Variants in COL5A1 observed in about 807,000 individuals in gnomAD.
COL5A1 encodes the protein collagen alpha-1(V) chain.
A neutral mutation model predicts 263.7 loss-of-function variants in COL5A1; 16 were observed. That is an observed-to-expected ratio of 0.06 (90% CI 0.04 to 0.09). COL5A1 has a LOEUF of 0.09. COL5A1 is among the 10% of genes least tolerant of loss of function. COL5A1 has a pLI of 1.00. For missense variants in COL5A1, 2,036 were observed against 2,540.5 expected (o/e 0.80, Z 4.27); for synonymous variants, 1,012 against 1,004.5 (o/e 1.01, Z -0.14).
At chr9:134,691,600 G>C (rs1040268375) in intron 2 of COL5A1, 1 of 166,712 alleles carries the variant, frequency 6.0e-6, no homozygotes, top group Non-Finnish European at 1.3e-5. Flanking sequence ...CATGCCCGGA[G>C]CGGGAAGCAG....
At chr9:134,732,492 T>C in intron 9 of COL5A1, 2 of 429,822 alleles carry the variant, frequency 4.7e-6, no homozygotes, top group East Asian at 4.6e-5. Context: ...AGGATGTAAA[T>C]GGCCCATTCC....
intron 4 of COL5A1, among the ~76,000 whole-genome samples, chr9:134,724,468 G>T (rs1834575524): frequency 6.6e-6 from 1 of 152,216 alleles, no homozygotes; most frequent in South Asian, 2.1e-4. Context: ...TGTGCCTGCG[G>T]GCTGGGATTC....
intron 4 of COL5A1, among the ~76,000 whole-genome samples, chr9:134,713,366 A>C (rs3128579): frequency 0.47 from 71,635 of 152,072 alleles, 17,305 homozygotes; most frequent in Admixed American, 0.62. Context: ...CCCAGTCTGC[A>C]GCCACAGCAG....
intron 27 of COL5A1, among the ~76,000 whole-genome samples, chr9:134,777,765 T>A (rs1213909697): frequency 6.6e-6 from 1 of 152,132 alleles, no homozygotes; most frequent in Admixed American, 6.5e-5. Flanking sequence ...CTGGTGCCAA[T>A]GCCCCCGGGT....
chr9:134,761,871 A>G, intron 18 of COL5A1, 54 bp from the exon 19 acceptor site: 1 of 1,563,946 alleles, frequency 6.4e-7, no homozygotes, highest in Non-Finnish European at 8.8e-7. Flanking sequence ...GACCTTGGAC[A>G]AGCCCTGCAT....
chr9:134,671,271 G>T (rs1832532291), intron 1 of COL5A1, among the ~76,000 whole-genome samples: 2 of 152,326 alleles, frequency 1.3e-5, no homozygotes, highest in South Asian at 4.1e-4. Context: ...AACCCACTGG[G>T]TGTGCAGACT....
chr9:134,714,031 C>T (rs1160714427), intron 4 of COL5A1, among the ~76,000 whole-genome samples: 1 of 152,238 alleles, frequency 6.6e-6, no homozygotes, highest in Non-Finnish European at 1.5e-5. Flanking sequence ...AAGTCTGTTG[C>T]TTCTGTGCTG....
rs863223468 is a variant in COL5A1 at position 134,738,779 on chromosome 9, A to G, written c.1465A>G (p.Thr489Ala). 2 of 1,613,602 alleles carry G rather than the reference A, an allele frequency of 1.2e-6. No individual in the cohort carries two copies. The highest frequency in any genetic ancestry group is 1.7e-5 in the Admixed American group (1 of 60,002). ...CGGACCTCCAGGAACCATGGGTCCC[A>G]CTGGCCAAGTCGGGGACCCTGGAGA... ...LPGPPGTMGP[T>A]GQVGDPGERG... is the part of the protein sequence containing the mutation. The change falls in exon 11 of 66, where the codon ACT becomes GCT. Residue 489 changes from threonine to alanine, a missense_variant. Around this residue, in one of 3 missense-constraint regions of COL5A1, gnomAD observed 1,078 missense variants for 1,521.4 expected, o/e 0.71. Coordinates refer to ENST00000371817, the MANE Select transcript of COL5A1 (RefSeq NM_000093.5).
At chr9:134,808,980 G>A (rs1156308316) in intron 42 of COL5A1, 4 of 620,682 alleles carry the variant, frequency 6.4e-6, no homozygotes, top group East Asian at 5.5e-5. Flanking sequence ...TAATTGAAGC[G>A]ATGCACCAGA....
intron 28 of COL5A1, among the ~76,000 whole-genome samples, chr9:134,781,029 T>G (rs538931681): frequency 1.3e-5 from 2 of 152,074 alleles, no homozygotes; most frequent in African/African-American, 4.8e-5. Context: ...GGGGCTGGAG[T>G]GCGGGTGCTG....
chr9:134,812,751 G>C lies in COL5A1; in HGVS notation c.3852+39G>C, dbSNP rs1450296617. 4 of 1,367,728 alleles carry C rather than the reference G, an allele frequency of 2.9e-6. No homozygotes were observed. The African/African-American group carries it at 4.5e-5, about 15-fold the overall frequency. 84.7% of individuals were successfully genotyped at this position (1,367,728 alleles called of 1,614,324 possible). On this transcript the variant is annotated intron_variant, in intron 48 of 65. Transcript: ENST00000371817. The stretch of plus-strand genomic sequence containing the variant: ...CTGCTCTGGTGGCAGATTTGCGGTT[G>C]TTTGAGGAGTGTGTGTGTGTGTCTG...
intron 2 of COL5A1, among the ~76,000 whole-genome samples, chr9:134,693,735 C>G (rs1401801964): frequency 6.6e-6 from 1 of 152,220 alleles, no homozygotes; most frequent in African/African-American, 2.4e-5. Flanking sequence ...CTCTGTTGCT[C>G]GGACTCTGTC....
intron 37 of COL5A1, 70 bp downstream of exon 37, chr9:134,798,531 T>G: frequency 6.8e-7 from 1 of 1,477,468 alleles, no homozygotes; most frequent in Non-Finnish European, 9.5e-7. Flanking sequence ...GGCACAGCCC[T>G]CGCTGCCCAG....
chr9:134,841,981 T>C lies in COL5A1; in HGVS notation c.5371-176T>C, dbSNP rs947235218. 1.3e-5 allele frequency among the ~76,000 whole-genome samples: 2 copies of C among 152,076 alleles called. No individual in the cohort carries two copies. The highest frequency in any genetic ancestry group is 2.1e-4 in the South Asian group (1 of 4,818). On this transcript the variant is annotated intron_variant, in intron 65 of 65. Coordinates refer to ENST00000371817, the MANE Select transcript of COL5A1 (RefSeq NM_000093.5). The surrounding 1 kb of genome is among the most constrained non-coding windows in gnomAD (Gnocchi z 4.8). ...TCTTGGGACATCCACCGGGGTTAAA[T>C]GCATGCTCTGATCAGCCATATTTCC...
rs1441561661 is a variant in COL5A1 at position 134,682,215 on chromosome 9, C to T, written c.110-8697C>T. On this transcript the variant is annotated intron_variant, in intron 1 of 65. Transcript: ENST00000371817. This position sits in a 1 kb window ranked among gnomAD's most constrained non-coding sequence, Gnocchi z 5.1. The stretch of plus-strand genomic sequence containing the variant: ...TCGGGCTGGGGGCTGGACTGGGTGT[C>T]CCCAGAGCCGACAGCACTATTCGGC... Among the ~76,000 whole-genome samples the T allele has an allele frequency of 6.6e-6, 1 of 152,164 alleles. No individual in the cohort carries two copies. Among genetic ancestry groups the T allele is most frequent in the East Asian group, 1.9e-4 (1 of 5,180 alleles).
At chr9:134,797,032 G>A in intron 36 of COL5A1, 131 bp downstream of exon 36, 3 of 1,010,896 alleles carry the variant, frequency 3.0e-6, no homozygotes, top group Non-Finnish European at 4.6e-6. Flanking sequence ...GTGGAGGGAG[G>A]CCCGAGGTGA....
At chr9:134,752,692 C>T (rs773024902) in intron 14 of COL5A1, 47 bp downstream of exon 14, 1 of 1,456,688 alleles carries the variant, frequency 6.9e-7, no homozygotes, top group Non-Finnish European at 9.6e-7. Flanking sequence ...TGGGGATTGG[C>T]CCACTCCCTG....
rs1435024809 is a variant in COL5A1 at position 134,741,559 on chromosome 9, C to T, written c.1494+2751C>T. On this transcript the variant is annotated intron_variant, in intron 11 of 65. Coordinates refer to ENST00000371817, the MANE Select transcript of COL5A1 (RefSeq NM_000093.5). The surrounding 1 kb of genome is among the most constrained non-coding windows in gnomAD (Gnocchi z 4.5). ...AGATTCACTGGGGGCTGGCCTCCCT[C>T]TCAGGTGATAAGGGGCGCTCTCCAA... Among the ~76,000 whole-genome samples the T allele has an allele frequency of 6.6e-6, 1 of 151,760 alleles. No homozygotes were observed. Among genetic ancestry groups the T allele is most frequent in the Non-Finnish European group, 1.5e-5 (1 of 68,008 alleles).
At chr9:134,792,179 C>T (rs946455749) in intron 32 of COL5A1, among the ~76,000 whole-genome samples, 4 of 152,192 alleles carry the variant, frequency 2.6e-5, no homozygotes, top group African/African-American at 9.7e-5. Context: ...CCTGCCGGGG[C>T]AGCCAGCTGC....
Sources: gnomAD v4.1 joint callset for allele counts (sites outside exome capture counted in the v4.1 genomes callset) on GRCh38, gnomAD v4.1.1 for gene constraint, gnomAD v4.1.1 regional missense constraint, Gnocchi (gnomAD v3.1) non-coding constraint, MANE v1.5 for transcripts, NCBI Gene and HGNC (gene_info 2026-07-23, HGNC 2026-07-21) for gene names.